The following TNPO1 variants were observed in gnomAD, a reference collection of about 807,000 sequenced individuals.
The protein encoded by TNPO1 is transportin-1.
A neutral mutation model predicts 119.5 loss-of-function variants in TNPO1; 8 were observed. That is an observed-to-expected ratio of 0.07 (90% CI 0.04 to 0.12). The LOEUF (loss-of-function observed/expected upper bound fraction) is 0.12. Among genes scored for constraint, TNPO1 ranks in the 10% least tolerant of loss-of-function variants. The pLI is 1.00. For synonymous variants in TNPO1, 362 were observed against 363.0 expected, an observed-to-expected ratio of 1.00 and a Z score of 0.03; for missense variants, 576 against 1,089.8, an observed-to-expected ratio of 0.53 and a Z score of 6.64.
rs547241264 is a variant in TNPO1 at position 72,910,517 on chromosome 5, C to T, written c.*1844C>T. The stretch of plus-strand genomic sequence containing the variant: ...ACTCTGCTGGTCAGAGATGAAGCCA[C>T]GCCTTTCCATTTTTCAATGCTGCAT... On this transcript the variant is annotated 3_prime_UTR_variant, in exon 25 of 25. Coordinates refer to ENST00000337273, the MANE Select transcript of TNPO1 (RefSeq NM_002270.4). The T allele has an allele frequency of 6.5e-6, 1 of 152,708 alleles. No individual in the cohort carries two copies. Among genetic ancestry groups the T allele is most frequent in the East Asian group, 1.9e-4 (1 of 5,190 alleles). The allele number at this position is 152,708 out of a possible 1,614,324, so 9.5% of individuals were successfully genotyped here.
chr5:72,849,419 A>G (rs1023381217), intron 2 of TNPO1, among the ~76,000 whole-genome samples: 7 of 152,318 alleles, frequency 4.6e-5, no homozygotes, highest in East Asian at 1.9e-4. Flanking sequence ...TAAGTCTACT[A>G]TTTTTTGCAG....
At chr5:72,893,789 T>C (rs1749228427) in intron 18 of TNPO1, 86 bp downstream of exon 18, 1 of 1,218,504 alleles carries the variant, frequency 8.2e-7, no homozygotes, top group Admixed American at 1.9e-5. Context: ...AAACTGAAAT[T>C]GCATGGAATC....
At chr5:72,907,426 C>T (rs10036944) in intron 24 of TNPO1, among the ~76,000 whole-genome samples, 1 of 152,128 alleles carries the variant, frequency 6.6e-6, no homozygotes, top group Non-Finnish European at 1.5e-5. Context: ...TTGTACTCCT[C>T]TTCCTTTTCT....
intron 9 of TNPO1, among the ~76,000 whole-genome samples, chr5:72,880,731 G>A (rs1475445982): frequency 6.8e-6 from 1 of 147,494 alleles, no homozygotes; most frequent in Non-Finnish European, 1.5e-5. Flanking sequence ...CAGGAGAATA[G>A]CTTGAACCCG....
intron 18 of TNPO1, among the ~76,000 whole-genome samples, chr5:72,895,141 A>G (rs1454690161): frequency 6.6e-6 from 1 of 151,498 alleles, no homozygotes; most frequent in Non-Finnish European, 1.5e-5. Flanking sequence ...TTTTTTGTTA[A>G]AGAAACCATG....
At chr5:72,830,110 AG>A (rs1744391623) in intron 1 of TNPO1, among the ~76,000 whole-genome samples, 1 of 152,180 alleles carries the variant, frequency 6.6e-6, no homozygotes, top group Non-Finnish European at 1.5e-5. Flanking sequence ...AATTTGATGG[AG>A]AAGCTTAAGA....
chr5:72,823,721 C>T (rs944308352), intron 1 of TNPO1, among the ~76,000 whole-genome samples: 3 of 152,018 alleles, frequency 2.0e-5, no homozygotes, highest in African/African-American at 7.3e-5. Context: ...TTGGCAAAAC[C>T]AGAGCTCTAG....
At chr5:72,883,310 T>G in intron 11 of TNPO1, 78 bp downstream of exon 11, 1 of 699,878 alleles carries the variant, frequency 1.4e-6, no homozygotes. Context: ...ACTGTACAGT[T>G]TACTACCCAT....
In TNPO1 at chr5:72,867,170, G is replaced by GAA. The variant is rs11409581; in HGVS notation, c.596+1451_596+1452dup. On this transcript the variant is annotated intron_variant, in intron 6 of 24. Coordinates refer to ENST00000337273, the MANE Select transcript of TNPO1 (RefSeq NM_002270.4). ...TGAGTGATGGAATAAGACCCTGCCTGAAAAAAAAAAATTCCTTTCCATGAA... is the reference window on the plus strand; with the variant it reads ...TGAGTGATGGAATAAGACCCTGCCTGAAAAAAAAAAAAATTCCTTTCCATGAA... 3.4e-3 allele frequency among the ~76,000 whole-genome samples: 506 copies of GAA among 149,720 alleles called. 5 individuals are homozygous for GAA. Among genetic ancestry groups the GAA allele is most frequent in the African/African-American group, 0.011 (464 of 40,914 alleles).
At chr5:72,907,232 A>G (rs114155399) in intron 24 of TNPO1, among the ~76,000 whole-genome samples, 3 of 152,174 alleles carry the variant, frequency 2.0e-5, no homozygotes, top group Non-Finnish European at 2.9e-5. Flanking sequence ...AATGCAAAAG[A>G]TGAGAATGAC....
intron 1 of TNPO1, among the ~76,000 whole-genome samples, chr5:72,827,189 C>T (rs1161873161): frequency 1.3e-5 from 2 of 152,094 alleles, no homozygotes; most frequent in East Asian, 3.9e-4. Context: ...GATCTGGGCA[C>T]TGTAAGAAAA....
intron 22 of TNPO1, 99 bp from the exon 23 acceptor site, chr5:72,903,610 T>C (rs1749939894): frequency 2.7e-6 from 2 of 753,310 alleles, no homozygotes; most frequent in African/African-American, 1.8e-5. Flanking sequence ...TTTTTTAAGC[T>C]AGATTCTATT....
At position 72,848,541 on chromosome 5, in the gene TNPO1, C is replaced by G. The variant is rs201009762; in HGVS notation, c.129+43C>G. ...TGGCCGCCACCCGCGCAGCTCGCCC[C>G]GCGCTGCGGCCCAGCCCCCGGCGGC... On this transcript the variant is annotated intron_variant, in intron 2 of 24. Coordinates refer to ENST00000337273, the MANE Select transcript of TNPO1 (RefSeq NM_002270.4). 1,621 of 1,368,344 alleles carry G rather than the reference C, an allele frequency of 1.2e-3. 18 individuals carry two copies. The African/African-American group carries it at 0.023, about 19-fold the overall frequency. 84.8% of individuals were successfully genotyped at this position (1,368,344 alleles called of 1,614,324 possible). A position where few individuals can be genotyped will look rare whatever the true frequency, so the allele number is the denominator to read the frequency against.
chr5:72,893,310 A>T lies in TNPO1; in HGVS notation c.1896+64A>T. ...GGACATTTTTCTAAAGATAGGTATAATGTATACAGACTTTTTAAGTAGTTA... is the reference window on the plus strand; with the variant it reads ...GGACATTTTTCTAAAGATAGGTATATTGTATACAGACTTTTTAAGTAGTTA... On this transcript the variant is annotated intron_variant, in intron 16 of 24. Coordinates refer to ENST00000337273, the MANE Select transcript of TNPO1 (RefSeq NM_002270.4). 3 of 1,605,862 alleles carry T rather than the reference A, an allele frequency of 1.9e-6. No individual in the cohort carries two copies. In the South Asian group the frequency reaches 3.3e-5, roughly 18 times the overall value.
intron 1 of TNPO1, chr5:72,848,148 C>G (rs775977640): frequency 5.0e-6 from 6 of 1,203,686 alleles, no homozygotes; most frequent in Non-Finnish European, 6.2e-6. Context: ...TCCTTGCGCT[C>G]GGCGGCCGCG....
chr5:72,866,861 A>T (rs1402792938), intron 6 of TNPO1, among the ~76,000 whole-genome samples: 1 of 152,072 alleles, frequency 6.6e-6, no homozygotes. Context: ...TATTTTGTAG[A>T]TGGTCATTTG....
chr5:72,890,058 A>G, intron 14 of TNPO1, 101 bp downstream of exon 14: 1 of 1,335,326 alleles, frequency 7.5e-7, no homozygotes, highest in Middle Eastern at 1.8e-4. Flanking sequence ...GGGAGATGTG[A>G]ATAGTTAGCG....
In TNPO1 at chr5:72,848,500, T is replaced by C. The variant is rs1745263427; in HGVS notation, c.129+2T>C. On this transcript the variant is annotated splice_donor_variant, in intron 2 of 24. Coordinates refer to ENST00000337273, the MANE Select transcript of TNPO1 (RefSeq NM_002270.4). LOFTEE classifies it high-confidence loss of function. Reference sequence around the variant, plus strand: ...ACCATCCAGAGAACCGTGCAACAAGTATCCTTTCCGAGGCCTGGCCGCCAC... The same window carrying C: ...ACCATCCAGAGAACCGTGCAACAAGCATCCTTTCCGAGGCCTGGCCGCCAC... The C allele has an allele frequency of 1.3e-6, 2 of 1,551,706 alleles. No homozygotes were observed. The highest frequency in any genetic ancestry group is 1.7e-6 in the Non-Finnish European group (2 of 1,147,458).
intron 22 of TNPO1, among the ~76,000 whole-genome samples, 191 bp from the exon 23 acceptor site, chr5:72,903,518 C>T (rs954814707): frequency 6.6e-6 from 1 of 152,170 alleles, no homozygotes. Flanking sequence ...GTTGAGGTTC[C>T]TTGACTGTGG....
Sources: allele counts gnomAD v4.1 joint callset (sites outside exome capture counted in the v4.1 genomes callset), GRCh38; gene constraint gnomAD v4.1.1; transcripts MANE v1.5; gene names NCBI Gene and HGNC (gene_info 2026-07-23, HGNC 2026-07-21).